Variants in NALF1 observed in about 807,000 individuals in gnomAD.
NALF1 encodes NALCN channel auxiliary factor 1, also known as family with sequence similarity 155 member A.
Under a neutral mutation model 48.4 loss-of-function variants are expected in NALF1, and 3 were observed. The observed-to-expected ratio is 0.06, with a 90% confidence interval of 0.03 to 0.16. The LOEUF is 0.16. Ranked by LOEUF, NALF1 falls within the 10% of genes least tolerant of loss-of-function variation. The pLI is 1.00. For missense variants in NALF1, 526 were observed against 571.5 expected (o/e 0.92, Z 0.81); for synonymous variants, 262 against 245.7 (o/e 1.07, Z -0.62).
intron 1 of NALF1, among the ~76,000 whole-genome samples, chr13:107,483,932 T>G (rs1246560532): frequency 1.3e-5 from 2 of 152,056 alleles, no homozygotes; most frequent in African/African-American, 2.4e-5. Flanking sequence ...TTTTGTAAGA[T>G]TCACATAAAA....
intron 1 of NALF1, among the ~76,000 whole-genome samples, chr13:107,352,104 G>A (rs1045337693): frequency 6.6e-6 from 1 of 152,142 alleles, no homozygotes; most frequent in African/African-American, 2.4e-5. Context: ...ATACAAATTC[G>A]GTTGTATATG....
At chr13:107,454,027 C>T (rs1884785522) in intron 1 of NALF1, among the ~76,000 whole-genome samples, 1 of 152,218 alleles carries the variant, frequency 6.6e-6, no homozygotes, top group African/African-American at 2.4e-5. Flanking sequence ...CCATCACAGA[C>T]CACCTCAGCC....
At chr13:107,373,610 C>T (rs923010115) in intron 1 of NALF1, among the ~76,000 whole-genome samples, 1 of 152,202 alleles carries the variant, frequency 6.6e-6, no homozygotes, top group Non-Finnish European at 1.5e-5. Context: ...CTACACATTT[C>T]CAGGGCTACT....
chr13:107,441,695 G>A (rs1418819173), intron 1 of NALF1, among the ~76,000 whole-genome samples: 1 of 152,172 alleles, frequency 6.6e-6, no homozygotes, highest in Non-Finnish European at 1.5e-5. Flanking sequence ...TACACATTTA[G>A]GACTAGAGAA....
intron 1 of NALF1, among the ~76,000 whole-genome samples, chr13:107,848,086 G>C (rs1002392790): frequency 1.3e-5 from 2 of 152,134 alleles, no homozygotes; most frequent in Non-Finnish European, 2.9e-5. Context: ...CTTTCCTTCA[G>C]GATAATTCAT....
intron 1 of NALF1, among the ~76,000 whole-genome samples, chr13:107,267,383 C>G (rs1162945903): frequency 2.0e-5 from 3 of 151,768 alleles, no homozygotes; most frequent in Non-Finnish European, 4.4e-5. Context: ...GAAAGGTTGC[C>G]AGGGAGGTGG....
intron 1 of NALF1, among the ~76,000 whole-genome samples, chr13:107,843,452 C>T (rs1056176344): frequency 6.6e-6 from 1 of 152,150 alleles, no homozygotes; most frequent in Non-Finnish European, 1.5e-5. Flanking sequence ...TCGAATCTCC[C>T]TTTGTCAATG....
chr13:107,195,140 C>A (rs893240844), intron 2 of NALF1, among the ~76,000 whole-genome samples: 1 of 152,136 alleles, frequency 6.6e-6, no homozygotes, highest in Admixed American at 6.5e-5. Flanking sequence ...AGTACAACCA[C>A]CATGTAAAAG....
intron 1 of NALF1, among the ~76,000 whole-genome samples, chr13:107,213,981 A>G (rs1287844545): frequency 2.0e-5 from 3 of 152,192 alleles, no homozygotes; most frequent in Admixed American, 6.5e-5. Context: ...GAGAAAAAAC[A>G]AACAGGTAGC....
At chr13:107,322,955 G>A (rs1882285244) in intron 1 of NALF1, among the ~76,000 whole-genome samples, 2 of 152,022 alleles carry the variant, frequency 1.3e-5, no homozygotes, top group South Asian at 2.1e-4. Flanking sequence ...GACCACACCT[G>A]GATATACCCA....
At chr13:107,348,063 TG>T (rs1388934732) in intron 1 of NALF1, among the ~76,000 whole-genome samples, 4 of 152,256 alleles carry the variant, frequency 2.6e-5, no homozygotes, top group Non-Finnish European at 4.4e-5. Flanking sequence ...CAGAACATGC[TG>T]GTTAGTTTAT....
At chr13:107,604,345 C>A (rs1169747234) in intron 1 of NALF1, among the ~76,000 whole-genome samples, 1 of 152,044 alleles carries the variant, frequency 6.6e-6, no homozygotes, top group East Asian at 1.9e-4. Flanking sequence ...AGAATTCAGT[C>A]TTTTTCCCCC....
At chr13:107,807,964 T>G (rs1292598921) in intron 1 of NALF1, among the ~76,000 whole-genome samples, 2 of 152,130 alleles carry the variant, frequency 1.3e-5, no homozygotes, top group Non-Finnish European at 2.9e-5. Context: ...AAATTATATT[T>G]ATTTGGAAAT....
chr13:107,396,486 G>T (rs1028269020), intron 1 of NALF1, among the ~76,000 whole-genome samples: 6 of 152,122 alleles, frequency 3.9e-5, no homozygotes, highest in African/African-American at 1.4e-4. Context: ...AATCAGGAAA[G>T]CATCTCAACA....
At chr13:107,251,258 G>A (rs1382162472) in intron 1 of NALF1, among the ~76,000 whole-genome samples, 1 of 152,090 alleles carries the variant, frequency 6.6e-6, no homozygotes, top group African/African-American at 2.4e-5. Flanking sequence ...AAGACCAGAC[G>A]CCTCTATTTC....
chr13:107,644,657 A>ATATATATATATATATATATG lies in NALF1; in HGVS notation c.915+221024_915+221025insCATATATATATATATATATA, dbSNP rs879682183. Among the ~76,000 whole-genome samples the ATATATATATATATATATATG allele has an allele frequency of 2.4e-3, 337 of 137,676 alleles. 4 individuals are homozygous for ATATATATATATATATATATG. The highest frequency in any genetic ancestry group is 0.012 in the South Asian group (52 of 4,274). The allele number at this position is 137,676 out of a possible 152,430, so 90.3% of individuals were successfully genotyped here. On this transcript the variant is annotated intron_variant, in intron 1 of 2. Coordinates refer to ENST00000375915, the MANE Select transcript of NALF1 (RefSeq NM_001080396.3). ...TACATACATACATACATATATATAT[A>ATATATATATATATATATATG]TATATATATGCTTTCACTTAAGTTG...
chr13:107,696,113 G>C (rs1172792277), intron 1 of NALF1, among the ~76,000 whole-genome samples: 1 of 152,078 alleles, frequency 6.6e-6, no homozygotes, highest in Admixed American at 6.6e-5. Flanking sequence ...GGCCAGGCTG[G>C]CCTTGAACTC....
intron 1 of NALF1, among the ~76,000 whole-genome samples, chr13:107,533,972 G>A (rs1258457972): frequency 6.6e-6 from 1 of 152,000 alleles, no homozygotes; most frequent in African/African-American, 2.4e-5. Flanking sequence ...GAGAACCAGG[G>A]GACCAAATAT....
chr13:107,610,714 G>A (rs1421896084), intron 1 of NALF1, among the ~76,000 whole-genome samples: 1 of 152,214 alleles, frequency 6.6e-6, no homozygotes, highest in Non-Finnish European at 1.5e-5. Flanking sequence ...AAATGAAACA[G>A]AATGGTCTCT....
Sources: gnomAD v4.1 joint callset for allele counts (sites outside exome capture counted in the v4.1 genomes callset) on GRCh38, gnomAD v4.1.1 for gene constraint, MANE v1.5 for transcripts, NCBI Gene and HGNC (gene_info 2026-07-23, HGNC 2026-07-21) for gene names.